Variants in ERC2 observed in about 807,000 individuals in gnomAD.
The protein encoded by ERC2 is ERC protein 2.
A neutral mutation model predicts 114.8 loss-of-function variants in ERC2; 42 were observed. That is an observed-to-expected ratio of 0.37 (90% CI 0.29 to 0.47). ERC2 has a LOEUF of 0.47. Among genes scored for constraint, ERC2 ranks in the 20% least tolerant of loss-of-function variants. The pLI is 0.99. For synonymous variants in ERC2, 454 were observed against 425.5 expected (o/e 1.07, Z -0.82); for missense variants, 939 against 1,150.7 (o/e 0.82, Z 2.66).
chr3:56,449,957 A>T (rs530509461), intron 1 of ERC2, among the ~76,000 whole-genome samples: 1 of 152,368 alleles, frequency 6.6e-6, no homozygotes, highest in East Asian at 1.9e-4. Context: ...AGTGCTGAAG[A>T]CATCAACCCC....
chr3:56,343,192 T>TCTCTCTCTCTCTCTCTCA (rs1376220124), intron 2 of ERC2, among the ~76,000 whole-genome samples: 1 of 126,130 alleles, frequency 7.9e-6, no homozygotes, highest in African/African-American at 3.0e-5. Flanking sequence ...TCTCTCTCTC[T>TCTCTCTCTCTCTCTCTCA]CACACACACA....
intron 6 of ERC2, among the ~76,000 whole-genome samples, chr3:56,099,516 T>C (rs529180676): frequency 6.6e-6 from 1 of 152,220 alleles, no homozygotes; most frequent in Admixed American, 6.5e-5. Flanking sequence ...CACAGAACTC[T>C]CCTGAAATAA....
chr3:56,092,882 A>G (rs2077868841), intron 6 of ERC2, among the ~76,000 whole-genome samples: 1 of 152,226 alleles, frequency 6.6e-6, no homozygotes, highest in Non-Finnish European at 1.5e-5. Flanking sequence ...GTGTTTTAAC[A>G]TAAAATTTTA....
chr3:55,931,109 C>T (rs1256693723), intron 13 of ERC2, among the ~76,000 whole-genome samples: 1 of 152,160 alleles, frequency 6.6e-6, no homozygotes, highest in Admixed American at 6.5e-5. Context: ...ACAACAGATG[C>T]TGGAGAGGAC....
chr3:55,907,281 G>A (rs1021356156), intron 13 of ERC2, among the ~76,000 whole-genome samples: 4 of 152,208 alleles, frequency 2.6e-5, no homozygotes, highest in Non-Finnish European at 5.9e-5. Context: ...AAAGATCCCA[G>A]TTCAAATCCC....
chr3:56,331,736 C>T (rs1213826627), intron 2 of ERC2, among the ~76,000 whole-genome samples: 1 of 152,122 alleles, frequency 6.6e-6, no homozygotes, highest in Non-Finnish European at 1.5e-5. Flanking sequence ...GGCCACACTG[C>T]AGTAACCACC....
In ERC2 at chr3:55,733,562, A is replaced by T. The variant is rs1180256359; in HGVS notation, c.2712+1209T>A. On this transcript the variant is annotated intron_variant, in intron 15 of 17. Coordinates refer to ENST00000288221, the MANE Select transcript of ERC2 (RefSeq NM_015576.3). ...CTCTCTCACACACACACACACACAC[A>T]CACACACACACACACACACACACAT... Among the ~76,000 whole-genome samples, 89 of 143,792 alleles carry T rather than the reference A, an allele frequency of 6.2e-4. 1 individual carries two copies. The highest frequency in any genetic ancestry group is 2.4e-3 in the African/African-American group (85 of 35,938). The allele number at this position is 143,792 out of a possible 152,430, so 94.3% of individuals were successfully genotyped here.
At chr3:56,006,445 T>A (rs1249257784) in intron 10 of ERC2, among the ~76,000 whole-genome samples, 1 of 152,012 alleles carries the variant, frequency 6.6e-6, no homozygotes, top group East Asian at 1.9e-4. Context: ...GTTTATGAGT[T>A]GTCAAAGGGA....
intron 7 of ERC2, among the ~76,000 whole-genome samples, chr3:56,031,659 G>T (rs1353540519): frequency 1.3e-5 from 2 of 152,146 alleles, no homozygotes; most frequent in African/African-American, 4.8e-5. Flanking sequence ...GTAAAGAAAT[G>T]ACTATCTGTA....
At chr3:56,135,274 G>A (rs1481026143) in intron 6 of ERC2, among the ~76,000 whole-genome samples, 1 of 151,990 alleles carries the variant, frequency 6.6e-6, no homozygotes, top group Non-Finnish European at 1.5e-5. Flanking sequence ...TCTTAATTTG[G>A]AGATAGAACA....
chr3:55,935,218 C>T (rs549977270), intron 13 of ERC2, among the ~76,000 whole-genome samples: 28 of 152,292 alleles, frequency 1.8e-4, no homozygotes, highest in African/African-American at 6.5e-4. Context: ...AGAGTATGAT[C>T]TCTTGCATGG....
intron 17 of ERC2, among the ~76,000 whole-genome samples, chr3:55,669,286 A>T (rs2061468397): frequency 6.6e-6 from 1 of 152,230 alleles, no homozygotes; most frequent in Non-Finnish European, 1.5e-5. Flanking sequence ...GCCATGAAAC[A>T]TGAAACACAA....
At chr3:56,174,197 G>A (rs546287234) in intron 3 of ERC2, among the ~76,000 whole-genome samples, 2 of 152,324 alleles carry the variant, frequency 1.3e-5, no homozygotes, top group African/African-American at 2.4e-5. Context: ...CCCCTGGAAC[G>A]ATGATGAACA....
chr3:55,546,835 G>A (rs542070428), intron 17 of ERC2, among the ~76,000 whole-genome samples: 1 of 152,346 alleles, frequency 6.6e-6, no homozygotes, highest in African/African-American at 2.4e-5. Flanking sequence ...AACTTATGTG[G>A]GAAACGAGGA....
At chr3:55,539,227 G>A (rs1205261257) in intron 17 of ERC2, among the ~76,000 whole-genome samples, 1 of 152,018 alleles carries the variant, frequency 6.6e-6, no homozygotes. Context: ...CTGGAACTTC[G>A]CATGGCTTCA....
intron 15 of ERC2, among the ~76,000 whole-genome samples, chr3:55,719,433 C>T (rs920286074): frequency 6.6e-6 from 1 of 152,216 alleles, no homozygotes; most frequent in Admixed American, 6.5e-5. Flanking sequence ...ATAGAACCCA[C>T]TCTGCCTCTT....
intron 1 of ERC2, among the ~76,000 whole-genome samples, chr3:56,448,841 C>G (rs996837262): frequency 6.6e-6 from 1 of 152,040 alleles, no homozygotes; most frequent in Non-Finnish European, 1.5e-5. Flanking sequence ...TTTGGGAGGC[C>G]AAGGCAGGTG....
At chr3:55,879,412 T>G (rs1430111343) in intron 14 of ERC2, among the ~76,000 whole-genome samples, 1 of 152,200 alleles carries the variant, frequency 6.6e-6, no homozygotes, top group African/African-American at 2.4e-5. Context: ...AGCCCAGTTT[T>G]CTTCTTACAG....
chr3:55,560,171 A>C (rs562637074), intron 17 of ERC2, among the ~76,000 whole-genome samples: 1 of 152,292 alleles, frequency 6.6e-6, no homozygotes, highest in South Asian at 2.1e-4. Flanking sequence ...CAGCTCTGCC[A>C]CTATGTCTCA....
Sources: gnomAD v4.1 joint callset for allele counts (sites outside exome capture counted in the v4.1 genomes callset) on GRCh38, gnomAD v4.1.1 for gene constraint, MANE v1.5 for transcripts, NCBI Gene and HGNC (gene_info 2026-07-23, HGNC 2026-07-21) for gene names.